RIMBP2: variants seen among roughly 807,000 people sequenced by gnomAD.
RIMBP2 encodes RIMS-binding protein 2.
A neutral mutation model predicts 118.6 loss-of-function variants in RIMBP2; 48 were observed. The observed-to-expected ratio is 0.40, with a 90% CI of 0.32 to 0.51. RIMBP2 has a LOEUF of 0.51. Among genes scored for constraint, RIMBP2 ranks in the 20% least tolerant of loss-of-function variants. The probability of loss-of-function intolerance (pLI) is 0.41; values close to 1 mark genes in which losing one functional copy is unlikely to be tolerated. For synonymous variants in RIMBP2, 762 were observed against 742.9 expected, an observed-to-expected ratio of 1.03 and a Z score of -0.42; for missense variants, 1,551 against 1,768.3, an observed-to-expected ratio of 0.88 and a Z score of 2.20.
At chr12:130,467,896 G>A (rs2080640019) in intron 6 of RIMBP2, among the ~76,000 whole-genome samples, 1 of 152,200 alleles carries the variant, frequency 6.6e-6, no homozygotes, top group African/African-American at 2.4e-5. Flanking sequence ...TGAATTGATT[G>A]AGACCCATCT....
rs528156635 is a variant in RIMBP2 at position 130,427,894 on chromosome 12, A to G, written c.2412+285T>C. 14 of 312,720 alleles carry G rather than the reference A, an allele frequency of 4.5e-5. No homozygotes were observed. In the East Asian group the frequency reaches 6.7e-4, roughly 15 times the overall value. 19.4% of individuals were successfully genotyped at this position (312,720 alleles called of 1,614,324 possible). ...TGTGGAGGGGGTTCTTCTTTGTTCT[A>G]TTCCCCCCACTTCAGTTCCTGGCAC... On this transcript the variant is annotated intron_variant, in intron 15 of 22. Coordinates refer to ENST00000690449, the MANE Select transcript of RIMBP2 (RefSeq NM_001393629.1).
In RIMBP2 at chr12:130,670,427, C is replaced by A. The variant is rs934899983; in HGVS notation, c.-351-41971G>T. On this transcript the variant is annotated intron_variant, in intron 1 of 22. Transcript: ENST00000690449. This position sits in a 1 kb window ranked among gnomAD's most constrained non-coding sequence, Gnocchi z 4.9. The stretch of plus-strand genomic sequence containing the variant: ...GTAGTCATGTGGGTTCTCATGAACA[C>A]GCCAGCCCTGCTCTCTCTCCTAGCT... 6.6e-6 allele frequency among the ~76,000 whole-genome samples: 1 copy of A among 152,176 alleles called. No homozygotes were observed. Among genetic ancestry groups the A allele is most frequent in the Non-Finnish European group, 1.5e-5 (1 of 68,030 alleles).
chr12:130,713,102 G>T (rs1950035125), intron 1 of RIMBP2, among the ~76,000 whole-genome samples: 1 of 114,510 alleles, frequency 8.7e-6, no homozygotes, highest in Non-Finnish European at 1.8e-5. Context: ...AACAAAGAGG[G>T]AGAGAAAAGG....
intron 2 of RIMBP2, among the ~76,000 whole-genome samples, chr12:130,555,921 C>T (rs1294642973): frequency 6.6e-6 from 1 of 152,208 alleles, no homozygotes; most frequent in East Asian, 1.9e-4. Flanking sequence ...AAATACATTT[C>T]AATGAGCCAG....
chr12:130,496,514 GGCT>G (rs1242693265), intron 4 of RIMBP2, among the ~76,000 whole-genome samples: 2 of 152,164 alleles, frequency 1.3e-5, no homozygotes, highest in Non-Finnish European at 2.9e-5. Context: ...GGGTAGAGGA[GGCT>G]GCGAGGGGTG....
chr12:130,553,257 A>C (rs1279982281), intron 2 of RIMBP2, among the ~76,000 whole-genome samples: 1 of 152,148 alleles, frequency 6.6e-6, no homozygotes, highest in African/African-American at 2.4e-5. Flanking sequence ...GCCCCACACC[A>C]AGGAAGCACT....
rs957636936 is a variant in RIMBP2, at chr12:130,576,904, G to A, written c.-217+51418C>T. 1.5e-4 allele frequency among the ~76,000 whole-genome samples: 23 copies of A among 152,290 alleles called. No individual in the cohort carries two copies. The highest frequency in any genetic ancestry group is 1.4e-3 in the Admixed American group (21 of 15,302). On this transcript the variant is annotated intron_variant, in intron 2 of 22. Transcript: ENST00000690449. The surrounding 1 kb of genome is among the most constrained non-coding windows in gnomAD (Gnocchi z 4.2). ...ACCGACAGTGTGGCAGGAGTCGCGG[G>A]GTGGAACAGGAACTTCTGGACAGAG...
chr12:130,401,978 C>T lies in RIMBP2; in HGVS notation c.3766-2165G>A, dbSNP rs547277091. 2.0e-4 allele frequency among the ~76,000 whole-genome samples: 31 copies of T among 152,214 alleles called. 1 individual carries two copies. The highest frequency in any genetic ancestry group is 1.8e-3 in the Admixed American group (28 of 15,280). On this transcript the variant is annotated intron_variant, in intron 21 of 22. Coordinates refer to ENST00000690449, the MANE Select transcript of RIMBP2 (RefSeq NM_001393629.1). ...TGCAGAGGCTCCTGTAGAGCCAGGC[C>T]TCCAGGCCAGCCCCTGCTCTGGCTG...
At chr12:130,455,082 G>A (rs1443312805) in intron 7 of RIMBP2, among the ~76,000 whole-genome samples, 1 of 152,182 alleles carries the variant, frequency 6.6e-6, no homozygotes, top group Non-Finnish European at 1.5e-5. Flanking sequence ...CTGGACCCAA[G>A]TCTCAGTGGG....
At position 130,670,234 on chromosome 12, in the gene RIMBP2, A is replaced by G. The variant is rs764346747; in HGVS notation, c.-351-41778T>C. ...GAGGGAGCACAGCCCCGCCGACACC[A>G]TGATCCCGGCCCCAGGACCTCAGAC... On this transcript the variant is annotated intron_variant, in intron 1 of 22. Coordinates refer to ENST00000690449, the MANE Select transcript of RIMBP2 (RefSeq NM_001393629.1). This position sits in a 1 kb window ranked among gnomAD's most constrained non-coding sequence, Gnocchi z 4.9. 9.2e-5 allele frequency among the ~76,000 whole-genome samples: 14 copies of G among 151,956 alleles called. No homozygotes were observed. The highest frequency in any genetic ancestry group is 1.6e-4 in the Non-Finnish European group (11 of 67,976).
intron 2 of RIMBP2, among the ~76,000 whole-genome samples, chr12:130,547,465 T>C (rs1192796058): frequency 1.3e-5 from 2 of 152,270 alleles, no homozygotes; most frequent in African/African-American, 4.8e-5. Flanking sequence ...GTTAGACTTA[T>C]TGCCATGTTA....
At chr12:130,715,541 G>C (rs1950268403) in intron 1 of RIMBP2, among the ~76,000 whole-genome samples, 1 of 152,202 alleles carries the variant, frequency 6.6e-6, no homozygotes, top group Non-Finnish European at 1.5e-5. Flanking sequence ...TCCACTGGGA[G>C]AGTCTGCCCC....
In RIMBP2 at chr12:130,703,441, G is replaced by A. The variant is rs915423431; in HGVS notation, c.-352+12781C>T. ...AGTGCTGTATTCTCAAACGATCACT[G>A]TTTTTTAAAAGCGTGGCACGGGCAC... is the stretch of plus-strand genomic sequence containing the variant. On this transcript the variant is annotated intron_variant, in intron 1 of 22. Transcript: ENST00000690449. This position sits in a 1 kb window ranked among gnomAD's most constrained non-coding sequence, Gnocchi z 5.7. Among the ~76,000 whole-genome samples the A allele has an allele frequency of 6.6e-6, 1 of 152,208 alleles. No individual in the cohort carries two copies. Among genetic ancestry groups the A allele is most frequent in the African/African-American group, 2.4e-5 (1 of 41,460 alleles).
At chr12:130,562,984 C>T (rs546993252) in intron 2 of RIMBP2, among the ~76,000 whole-genome samples, 4 of 152,306 alleles carry the variant, frequency 2.6e-5, no homozygotes, top group East Asian at 1.9e-4. Flanking sequence ...GTATGACGGA[C>T]GGCTGGCTGT....
At chr12:130,549,479 A>T (rs1156721170) in intron 2 of RIMBP2, among the ~76,000 whole-genome samples, 1 of 152,178 alleles carries the variant, frequency 6.6e-6, no homozygotes, top group African/African-American at 2.4e-5. Context: ...AATTAAGCCC[A>T]GTACTCAATA....
At chr12:130,580,294 G>T (rs748168476) in intron 2 of RIMBP2, among the ~76,000 whole-genome samples, 1 of 152,178 alleles carries the variant, frequency 6.6e-6, no homozygotes, top group Non-Finnish European at 1.5e-5. Context: ...TGTCAAGGGC[G>T]GGGCCAGGTG....
At chr12:130,438,335 A>ACGGG in intron 12 of RIMBP2, 30 bp downstream of exon 12, 1 of 865,014 alleles carries the variant, frequency 1.2e-6, no homozygotes, top group East Asian at 2.8e-5. Context: ...GGCCTAACAA[A>ACGGG]CCCTCCCCAC....
In RIMBP2 at chr12:130,578,903, A is replaced by G. The variant is rs2058272013; in HGVS notation, c.-217+49419T>C. Among the ~76,000 whole-genome samples, 1 of 152,234 alleles carries G rather than the reference A, an allele frequency of 6.6e-6. No homozygotes were observed. The highest frequency in any genetic ancestry group is 2.4e-5 in the African/African-American group (1 of 41,466). On this transcript the variant is annotated intron_variant, in intron 2 of 22. Transcript: ENST00000690449. The surrounding 1 kb of genome is among the most constrained non-coding windows in gnomAD (Gnocchi z 4.1). ...CTGACACCGTCTTTCATTATTAAAT[A>G]TATTCATAGTTCTGCGGTGAAATAT...
rs2136883275 is a variant in RIMBP2, at chr12:130,710,677, G to C, written c.-352+5545C>G. On this transcript the variant is annotated intron_variant, in intron 1 of 22. Transcript: ENST00000690449. The surrounding 1 kb of genome is among the most constrained non-coding windows in gnomAD (Gnocchi z 4.3). ...CCCCAGGCTCAGCACCAACAGGAAG[G>C]ACCTGTCCACACAGCTAGGCCAAGG... Among the ~76,000 whole-genome samples the C allele has an allele frequency of 6.6e-6, 1 of 152,306 alleles. No individual in the cohort carries two copies. Among genetic ancestry groups the C allele is most frequent in the South Asian group, 2.1e-4 (1 of 4,826 alleles).
Sources: allele counts gnomAD v4.1 joint callset (sites outside exome capture counted in the v4.1 genomes callset), GRCh38; gene constraint gnomAD v4.1.1; non-coding constraint Gnocchi (gnomAD v3.1); transcripts MANE v1.5; gene names NCBI Gene and HGNC (gene_info 2026-07-23, HGNC 2026-07-21).